RERG: variants seen among roughly 807,000 people sequenced by gnomAD.
RERG encodes RAS like estrogen regulated growth inhibitor, also known as ras-related and estrogen-regulated growth inhibitor.
RERG carries 25 observed loss-of-function variants against 23.2 expected under a neutral mutation model. That is an observed-to-expected ratio of 1.08 (90% CI 0.79 to 1.50). The LOEUF (loss-of-function observed/expected upper bound fraction) is 1.50, where lower values mean the gene tolerates loss of function less well. Ranked by LOEUF, RERG falls within the 40% of genes most tolerant of loss-of-function variation. The pLI is 0.00. For synonymous variants in RERG, 81 were observed against 89.1 expected (o/e 0.91, Z 0.51); for missense variants, 253 against 250.1 (o/e 1.01, Z -0.08).
rs147012753 is a variant in RERG, at chr12:15,126,965, G to A, written c.62-5846C>T. ...GATCTCCTGACCTTGTGATCCGCCC[G>A]CTTCAGCCTCCCAAAGTGCTGGGAT... is the stretch of plus-strand genomic sequence containing the variant. On this transcript the variant is annotated intron_variant, in intron 2 of 4. Transcript: ENST00000256953. 6.4e-3 allele frequency among the ~76,000 whole-genome samples: 977 copies of A among 152,004 alleles called. 8 individuals carry two copies. Among genetic ancestry groups the A allele is most frequent in the African/African-American group, 0.022 (931 of 41,462 alleles).
At chr12:15,198,250 G>C (rs1387224806) in intron 2 of RERG, among the ~76,000 whole-genome samples, 1 of 151,844 alleles carries the variant, frequency 6.6e-6, no homozygotes, top group African/African-American at 2.4e-5. Context: ...CCCCTTTCTT[G>C]GTCGAAAGGG....
intron 2 of RERG, among the ~76,000 whole-genome samples, chr12:15,145,150 C>G (rs558051286): frequency 6.6e-6 from 1 of 152,312 alleles, no homozygotes; most frequent in Admixed American, 6.5e-5. Context: ...TAACAAGAAC[C>G]CTCTGCTCCC....
chr12:15,163,990 T>C (rs1242685273), intron 2 of RERG, among the ~76,000 whole-genome samples: 1 of 152,194 alleles, frequency 6.6e-6, no homozygotes, highest in African/African-American at 2.4e-5. Context: ...CTTCTGCTAC[T>C]ACCTCACATT....
intron 2 of RERG, among the ~76,000 whole-genome samples, chr12:15,140,144 A>C (rs1864212185): frequency 6.6e-6 from 1 of 152,168 alleles, no homozygotes; most frequent in Non-Finnish European, 1.5e-5. Context: ...CTAACCCCTA[A>C]GTTGATAATA....
chr12:15,214,671 G>T (rs1865416588), intron 2 of RERG, among the ~76,000 whole-genome samples: 1 of 152,188 alleles, frequency 6.6e-6, no homozygotes, highest in African/African-American at 2.4e-5. Context: ...CAATATTGTT[G>T]CAGTCTATTT....
At chr12:15,179,650 A>C (rs1172119966) in intron 2 of RERG, among the ~76,000 whole-genome samples, 1 of 152,238 alleles carries the variant, frequency 6.6e-6, no homozygotes, top group Admixed American at 6.5e-5. Flanking sequence ...ACATCTAAAA[A>C]TATAAAGACA....
intron 2 of RERG, among the ~76,000 whole-genome samples, chr12:15,130,027 G>A (rs978450357): frequency 6.6e-6 from 1 of 152,180 alleles, no homozygotes; most frequent in African/African-American, 2.4e-5. Flanking sequence ...AATTAAAAAT[G>A]ATGTTGGACT....
intron 2 of RERG, among the ~76,000 whole-genome samples, chr12:15,139,563 A>G (rs1163895450): frequency 6.6e-6 from 1 of 152,022 alleles, no homozygotes; most frequent in Non-Finnish European, 1.5e-5. Context: ...TAAGCATTTA[A>G]TTTTCTTTGT....
rs527883843 is a variant in RERG at position 15,215,039 on chromosome 12, G to A, written c.61+2390C>T. 2.2e-3 allele frequency among the ~76,000 whole-genome samples: 331 copies of A among 152,254 alleles called. No individual in the cohort carries two copies. In the South Asian group the frequency reaches 0.022, roughly 10 times the overall value. On this transcript the variant is annotated intron_variant, in intron 2 of 4. Coordinates refer to ENST00000256953, the MANE Select transcript of RERG (RefSeq NM_032918.3). ...TCTGTTTATAGATGACAGACAAAAA[G>A]GCAATTGTTAAAGATATGTAGTCTG...
intron 2 of RERG, among the ~76,000 whole-genome samples, chr12:15,127,012 C>T (rs575439283): frequency 6.6e-6 from 1 of 152,292 alleles, no homozygotes; most frequent in African/African-American, 2.4e-5. Flanking sequence ...GCCACCGCGC[C>T]CGGCCCAGAT....
At chr12:15,203,310 C>A (rs1865242424) in intron 2 of RERG, among the ~76,000 whole-genome samples, 1 of 151,516 alleles carries the variant, frequency 6.6e-6, no homozygotes. Context: ...GCTGAAGAAG[C>A]TTTTGAGTTT....
At chr12:15,205,431 G>A (rs995012995) in intron 2 of RERG, among the ~76,000 whole-genome samples, 2 of 151,962 alleles carry the variant, frequency 1.3e-5, no homozygotes, top group Admixed American at 6.6e-5. Flanking sequence ...CTCTTTTGGA[G>A]AACCGCTAAG....
intron 2 of RERG, among the ~76,000 whole-genome samples, chr12:15,190,512 T>C (rs1865055657): frequency 6.6e-6 from 1 of 152,146 alleles, no homozygotes; most frequent in South Asian, 2.1e-4. Context: ...CACAACATAG[T>C]TCTAGGTTGA....
At chr12:15,113,373 C>T (rs1004822778) in intron 3 of RERG, among the ~76,000 whole-genome samples, 1 of 151,808 alleles carries the variant, frequency 6.6e-6, no homozygotes, top group African/African-American at 2.4e-5. Flanking sequence ...AAAAAGAGGG[C>T]AGAGCTATAA....
At chr12:15,195,380 G>A (rs1474660346) in intron 2 of RERG, among the ~76,000 whole-genome samples, 4 of 152,132 alleles carry the variant, frequency 2.6e-5, no homozygotes, top group Admixed American at 6.6e-5. Flanking sequence ...ATTAGGGAAC[G>A]AAGAGTTGGA....
chr12:15,187,563 CT>C (rs35277857), intron 2 of RERG, among the ~76,000 whole-genome samples: 124 of 146,198 alleles, frequency 8.5e-4, no homozygotes, highest in Non-Finnish European at 7.0e-4. Context: ...CTCTGAGAAC[CT>C]TTTTTTTTTT....
intron 2 of RERG, among the ~76,000 whole-genome samples, chr12:15,136,001 C>G (rs777930227): frequency 6.6e-6 from 1 of 152,100 alleles, no homozygotes; most frequent in Non-Finnish European, 1.5e-5. Context: ...AATGATAGAA[C>G]TCACTAGTGA....
intron 3 of RERG, among the ~76,000 whole-genome samples, chr12:15,113,487 G>A (rs540446723): frequency 2.5e-4 from 38 of 151,976 alleles, no homozygotes; most frequent in Admixed American, 1.7e-3. Flanking sequence ...AAAATAATAC[G>A]AAGTTTATAA....
At chr12:15,118,074 C>T (rs747664422) in intron 3 of RERG, among the ~76,000 whole-genome samples, 1 of 152,066 alleles carries the variant, frequency 6.6e-6, no homozygotes, top group Non-Finnish European at 1.5e-5. Context: ...CTTCGAAACA[C>T]TCGGATGTTA....
Sources: gnomAD v4.1 joint callset for allele counts (sites outside exome capture counted in the v4.1 genomes callset) on GRCh38, gnomAD v4.1.1 for gene constraint, MANE v1.5 for transcripts, NCBI Gene and HGNC (gene_info 2026-07-23, HGNC 2026-07-21) for gene names.